The following SRRM4 variants were observed in gnomAD, a reference collection of about 807,000 sequenced individuals.
SRRM4 encodes serine/arginine repetitive matrix protein 4.
Under a neutral mutation model 68.9 loss-of-function variants are expected in SRRM4, and 33 were observed. The ratio of observed to expected loss-of-function variants is 0.48; its 90% confidence interval spans 0.36 to 0.64. The LOEUF is 0.64. Ranked by LOEUF, SRRM4 falls within the 30% of genes least tolerant of loss-of-function variation. SRRM4 has a pLI of 0.00. For missense variants in SRRM4, 817 were observed against 827.1 expected (o/e 0.99, Z 0.15); for synonymous variants, 318 against 318.8 (o/e 1.00, Z 0.03).
At chr12:119,094,648 A>G (rs984695001) in intron 1 of SRRM4, among the ~76,000 whole-genome samples, 1 of 151,976 alleles carries the variant, frequency 6.6e-6, no homozygotes, top group African/African-American at 2.4e-5. Context: ...ACCAATTTCT[A>G]TTCATCTGCT....
chr12:119,122,225 G>A, intron 6 of SRRM4, 105 bp downstream of exon 6: 1 of 654,906 alleles, frequency 1.5e-6, no homozygotes, highest in Non-Finnish European at 2.6e-6. Flanking sequence ...GGGAAAGGGA[G>A]GAGAAGGTGA....
chr12:118,990,832 T>TCTCAAAACAAAAA (rs1953312055), intron 1 of SRRM4, among the ~76,000 whole-genome samples: 2 of 152,202 alleles, frequency 1.3e-5, no homozygotes, highest in African/African-American at 4.8e-5. Flanking sequence ...GGTTTGTTTT[T>TCTCAAAACAAAAA]GTTTTGAGAT....
At chr12:119,065,654 G>A (rs1396603507) in intron 1 of SRRM4, among the ~76,000 whole-genome samples, 1 of 152,162 alleles carries the variant, frequency 6.6e-6, no homozygotes, top group Non-Finnish European at 1.5e-5. Context: ...AGAATCGCTT[G>A]AACCCATAAG....
In SRRM4 at chr12:118,981,985, A is replaced by G; in HGVS notation, c.103A>G (p.Ser35Gly). The G allele has an allele frequency of 1.9e-6, 3 of 1,610,962 alleles. No homozygotes were observed. The highest frequency in any genetic ancestry group is 2.5e-6 in the Non-Finnish European group (3 of 1,178,854). ...TPRPESIIVA[S>G]ITARKPLPRT... ...CCGTCCCGAGAGCATCATTGTCGCC[A>G]GTATCACGGCCCGCAAGCCGCTGCC... is the stretch of plus-strand genomic sequence containing the variant. Residue 35 changes from serine to glycine, a missense_variant, in exon 1 of 13, where the codon AGT becomes GGT. Transcript: ENST00000267260.
chr12:119,123,261 G>GT (rs1954234544), intron 6 of SRRM4, among the ~76,000 whole-genome samples: 1 of 152,218 alleles, frequency 6.6e-6, no homozygotes, highest in African/African-American at 2.4e-5. Context: ...CAGAGGCCTG[G>GT]GGAATGCTCC....
rs773704046 is a variant in SRRM4 at position 119,145,518 on chromosome 12, G to T, written c.909G>T (p.Arg303Ser). 6.2e-7 allele frequency: 1 copy of T among 1,608,964 alleles called. No individual in the cohort carries two copies. The highest frequency in any genetic ancestry group is 8.5e-7 in the Non-Finnish European group (1 of 1,177,050). Reference sequence around the variant, plus strand: ...CCTCCACGCAAACCAGCTCAGCCAGGTCTCGGGGCCAGGAGAAGGGGAGCC... The same window carrying T: ...CCTCCACGCAAACCAGCTCAGCCAGTTCTCGGGGCCAGGAGAAGGGGAGCC... Reference protein sequence around the residue: ...SPPSTQTSSARSRGQEKGSPS... With the variant: ...SPPSTQTSSASSRGQEKGSPS... Residue 303 changes from arginine to serine, a missense_variant, in exon 9 of 13, where the codon AGG becomes AGT. Coordinates refer to ENST00000267260, the MANE Select transcript of SRRM4 (RefSeq NM_194286.4).
In SRRM4 at chr12:119,096,637, A is replaced by T. The variant is rs898360640; in HGVS notation, c.132-5599A>T. Among the ~76,000 whole-genome samples, 5 of 152,346 alleles carry T rather than the reference A, an allele frequency of 3.3e-5. 1 individual carries two copies. Among genetic ancestry groups the T allele is most frequent in the South Asian group, 4.1e-4 (2 of 4,824 alleles). ...TATGAGTCACTATTTGCCTTGGGCA[A>T]GTCCCCTTGCCTCTTGGGCCTCCCT... On this transcript the variant is annotated intron_variant, in intron 1 of 12. Coordinates refer to ENST00000267260, the MANE Select transcript of SRRM4 (RefSeq NM_194286.4).
chr12:119,004,976 A>G (rs1323183789), intron 1 of SRRM4, among the ~76,000 whole-genome samples: 1 of 150,476 alleles, frequency 6.6e-6, no homozygotes, highest in Admixed American at 6.6e-5. Flanking sequence ...CACCCAGAGA[A>G]GATTAAAACA....
At chr12:119,104,929 C>T (rs1382993999) in intron 2 of SRRM4, among the ~76,000 whole-genome samples, 1 of 151,100 alleles carries the variant, frequency 6.6e-6, no homozygotes, top group Non-Finnish European at 1.5e-5. Context: ...ATTAACTCGT[C>T]ATTTACATTA....
chr12:119,141,191 C>A (rs1592914600), intron 8 of SRRM4, among the ~76,000 whole-genome samples: 1 of 152,222 alleles, frequency 6.6e-6, no homozygotes, highest in Non-Finnish European at 1.5e-5. Flanking sequence ...AATCCACCCA[C>A]TTCGGCCTCC....
rs1042480281 is a variant in SRRM4, at chr12:118,983,537, G to A, written c.131+1524G>A. ...GGTTTCTGCTATCTATTCCACCTTTGGAACGTACCTACTGTTGGCTAATCA... is the reference window on the plus strand; with the variant it reads ...GGTTTCTGCTATCTATTCCACCTTTAGAACGTACCTACTGTTGGCTAATCA... On this transcript the variant is annotated intron_variant, in intron 1 of 12. Coordinates refer to ENST00000267260, the MANE Select transcript of SRRM4 (RefSeq NM_194286.4). 5.3e-5 allele frequency among the ~76,000 whole-genome samples: 8 copies of A among 152,284 alleles called. No individual in the cohort carries two copies. The East Asian group carries it at 1.5e-3, about 29-fold the overall frequency.
chr12:119,130,795 A>G lies in SRRM4; in HGVS notation c.732A>G (p.Gln244=). ...PEAQSSRPPS[Q]PLQMLGYLSA... is the part of the protein sequence containing the mutation. The stretch of plus-strand genomic sequence containing the variant: ...CCCAGTCCAGTCGCCCGCCCAGTCA[A>G]CCCCTCCAGATGCTTGGCTACCTGT... Residue 244 remains glutamine (Q), a synonymous_variant, in exon 8 of 13, where the codon CAA becomes CAG. Coordinates refer to ENST00000267260, the MANE Select transcript of SRRM4 (RefSeq NM_194286.4). 1 of 1,607,812 alleles carries G rather than the reference A, an allele frequency of 6.2e-7. No individual in the cohort carries two copies. The highest frequency in any genetic ancestry group is 8.5e-7 in the Non-Finnish European group (1 of 1,179,686).
intron 1 of SRRM4, among the ~76,000 whole-genome samples, chr12:119,052,579 A>G (rs1313809173): frequency 6.6e-6 from 1 of 151,920 alleles, no homozygotes. Context: ...CCCAGGCTGG[A>G]GTGTAGTAGC....
At chr12:119,013,369 T>C (rs1953461782) in intron 1 of SRRM4, among the ~76,000 whole-genome samples, 1 of 152,226 alleles carries the variant, frequency 6.6e-6, no homozygotes, top group African/African-American at 2.4e-5. Context: ...TTTCAGATTT[T>C]AAGTTCAGTA....
rs151158252 is a variant in SRRM4, at chr12:119,139,719, C to T, written c.772-5662C>T. On this transcript the variant is annotated intron_variant, in intron 8 of 12. Transcript: ENST00000267260. ...AGAGGGTGACCAGCATGGAGAGCAACTGGCAGATCAAAACCCCCCTGCCCT... is the reference window on the plus strand; with the variant it reads ...AGAGGGTGACCAGCATGGAGAGCAATTGGCAGATCAAAACCCCCCTGCCCT... Among the ~76,000 whole-genome samples the T allele has an allele frequency of 1.4e-4, 21 of 152,260 alleles. 1 individual carries two copies. Among genetic ancestry groups the T allele is most frequent in the African/African-American group, 5.1e-4 (21 of 41,542 alleles).
At chr12:119,101,334 A>G (rs1211471450) in intron 1 of SRRM4, among the ~76,000 whole-genome samples, 1 of 152,136 alleles carries the variant, frequency 6.6e-6, no homozygotes, top group East Asian at 1.9e-4. Context: ...TTGCCCTCTC[A>G]GGAACTCCCA....
chr12:119,144,401 A>G (rs1954387800), intron 8 of SRRM4: 1 of 152,196 alleles, frequency 6.6e-6, no homozygotes, highest in Non-Finnish European at 1.5e-5. Context: ...GGCACTTAAA[A>G]AACCAAAACT....
intron 1 of SRRM4, among the ~76,000 whole-genome samples, chr12:119,061,780 G>T (rs1266258060): frequency 6.6e-6 from 1 of 151,864 alleles, no homozygotes; most frequent in East Asian, 1.9e-4. Flanking sequence ...AATTATTTGG[G>T]TTACTGCTCT....
chr12:119,045,108 C>T (rs955647416), intron 1 of SRRM4, among the ~76,000 whole-genome samples: 2 of 152,154 alleles, frequency 1.3e-5, no homozygotes, highest in African/African-American at 4.8e-5. Context: ...AGTGTCATCG[C>T]TGGGCTCAGC....
Sources: allele counts gnomAD v4.1 joint callset (sites outside exome capture counted in the v4.1 genomes callset), GRCh38; gene constraint gnomAD v4.1.1; transcripts MANE v1.5; gene names NCBI Gene and HGNC (gene_info 2026-07-23, HGNC 2026-07-21).